Variants in LRRC69 observed in about 807,000 individuals in gnomAD.
LRRC69 encodes leucine rich repeat containing 69.
In LRRC69, 42 loss-of-function variants were observed where a neutral mutation model predicts 37.8. The ratio of observed to expected loss-of-function variants is 1.11; its 90% CI spans 0.87 to 1.44. LRRC69 has a LOEUF of 1.44. Among genes scored for constraint, LRRC69 ranks in the 40% most tolerant of loss-of-function variants. The pLI is 0.00. For missense variants in LRRC69, 357 were observed against 401.9 expected, an observed-to-expected ratio of 0.89 and a Z score of 0.96; for synonymous variants, 141 against 143.1, an observed-to-expected ratio of 0.99 and a Z score of 0.11.
At chr8:91,139,713 G>A (rs73303617) in intron 5 of LRRC69, among the ~76,000 whole-genome samples, 4,958 of 151,898 alleles carry the variant, frequency 0.033, 254 homozygotes, top group African/African-American at 0.11. Flanking sequence ...AGAAAAGCCT[G>A]TTAAAACATT....
At chr8:91,123,347 A>G (rs772785752) in intron 1 of LRRC69, among the ~76,000 whole-genome samples, 4 of 152,192 alleles carry the variant, frequency 2.6e-5, no homozygotes, top group Non-Finnish European at 5.9e-5. Context: ...TTACAATAGA[A>G]GAAGGCCTCA....
chr8:91,125,663 G>T (rs1272107424), intron 2 of LRRC69, among the ~76,000 whole-genome samples: 1 of 151,594 alleles, frequency 6.6e-6, no homozygotes, highest in Non-Finnish European at 1.5e-5. Flanking sequence ...AAATTTAAGT[G>T]CAACCTGATA....
chr8:91,111,297 G>A (rs991339463), intron 1 of LRRC69, among the ~76,000 whole-genome samples: 3 of 152,098 alleles, frequency 2.0e-5, no homozygotes, highest in Non-Finnish European at 4.4e-5. Context: ...CACTTTGGGA[G>A]TCCAAGGTGG....
intron 3 of LRRC69, among the ~76,000 whole-genome samples, chr8:91,128,580 A>G (rs868480975): frequency 3.3e-5 from 5 of 152,034 alleles, no homozygotes; most frequent in Admixed American, 1.3e-4. Flanking sequence ...ATATCTTAAC[A>G]TCTTCACCTG....
intron 5 of LRRC69, among the ~76,000 whole-genome samples, chr8:91,174,637 G>A (rs1399148329): frequency 6.6e-6 from 1 of 152,212 alleles, no homozygotes; most frequent in African/African-American, 2.4e-5. Flanking sequence ...GCTATGAGTT[G>A]TTGCTTGGTC....
chr8:91,151,430 A>G (rs1808735196), intron 5 of LRRC69, among the ~76,000 whole-genome samples: 1 of 150,740 alleles, frequency 6.6e-6, no homozygotes, highest in African/African-American at 2.4e-5. Context: ...TTCTAGTTTG[A>G]TTGCACTGTG....
At chr8:91,116,481 T>C (rs1813512872) in intron 1 of LRRC69, among the ~76,000 whole-genome samples, 2 of 151,954 alleles carry the variant, frequency 1.3e-5, no homozygotes, top group African/African-American at 2.4e-5. Context: ...ATTTCATGTA[T>C]TGTATTCCAT....
Position 91,181,638 on chromosome 8 carries a change from A to C in LRRC69, c.652-7884A>C, listed in dbSNP as rs147892903. ...TTTAGAAGGAAAAGAGATAAGACCC[A>C]TGCAAATAAACTGGCAAGACCTAGT... On this transcript the variant is annotated intron_variant, in intron 5 of 7. Coordinates refer to ENST00000448384, the Ensembl canonical transcript of LRRC69. Among the ~76,000 whole-genome samples, 400 of 152,316 alleles carry C rather than the reference A, an allele frequency of 2.6e-3. 4 individuals carry two copies. Among genetic ancestry groups the C allele is most frequent in the Middle Eastern group, 0.01 (3 of 294 alleles).
chr8:91,176,767 C>A (rs1229264040), intron 5 of LRRC69, among the ~76,000 whole-genome samples: 2 of 152,046 alleles, frequency 1.3e-5, no homozygotes, highest in Non-Finnish European at 2.9e-5. Context: ...TCTAGTCATG[C>A]CCTCAACAGA....
chr8:91,205,761 CA>C (rs1418967384), intron 7 of LRRC69, among the ~76,000 whole-genome samples: 1 of 151,936 alleles, frequency 6.6e-6, no homozygotes. Context: ...GTGCTTAAGA[CA>C]AAAAAATAAA....
intron 5 of LRRC69, among the ~76,000 whole-genome samples, chr8:91,170,211 C>A (rs1268238611): frequency 1.8e-5 from 2 of 114,072 alleles, no homozygotes; most frequent in Admixed American, 1.7e-4. Flanking sequence ...TTAATGATCG[C>A]CATTCTAACT....
chr8:91,207,445 C>T (rs1809823925), intron 7 of LRRC69, among the ~76,000 whole-genome samples: 1 of 152,124 alleles, frequency 6.6e-6, no homozygotes, highest in Admixed American at 6.5e-5. Context: ...TGATTGCATT[C>T]TTGTGATAAG....
At chr8:91,182,758 T>C (rs934435932) in intron 5 of LRRC69, among the ~76,000 whole-genome samples, 16 of 152,230 alleles carry the variant, frequency 1.1e-4, no homozygotes, top group African/African-American at 3.4e-4. Context: ...GAACTGGAGA[T>C]AGAATGATAA....
At chr8:91,173,826 A>C (rs961407764) in intron 5 of LRRC69, among the ~76,000 whole-genome samples, 1 of 152,076 alleles carries the variant, frequency 6.6e-6, no homozygotes, top group African/African-American at 2.4e-5. Flanking sequence ...CTCAACCCTC[A>C]CAAACTAATG....
At chr8:91,200,444 T>C (rs751763645) in intron 6 of LRRC69, among the ~76,000 whole-genome samples, 169 bp from the exon 7 acceptor site, 28 of 152,208 alleles carry the variant, frequency 1.8e-4, no homozygotes, top group Non-Finnish European at 3.5e-4. Flanking sequence ...ACCAAACTTA[T>C]TTGCAATGCC....
intron 1 of LRRC69, among the ~76,000 whole-genome samples, chr8:91,107,480 A>G (rs1158924716): frequency 6.6e-6 from 1 of 151,940 alleles, no homozygotes; most frequent in Non-Finnish European, 1.5e-5. Flanking sequence ...ATTTTCTTGC[A>G]TCTATGCTGT....
intron 7 of LRRC69, among the ~76,000 whole-genome samples, chr8:91,213,037 T>C: frequency 6.6e-6 from 1 of 152,166 alleles, no homozygotes; most frequent in East Asian, 1.9e-4. Context: ...TAATTTTTTT[T>C]CTTCTAAATA....
chr8:91,117,008 CAG>C (rs1813522298), intron 1 of LRRC69, among the ~76,000 whole-genome samples: 1 of 152,006 alleles, frequency 6.6e-6, no homozygotes, highest in Non-Finnish European at 1.5e-5. Context: ...AGGCAGGCCA[CAG>C]ATAGGCTATA....
At chr8:91,157,574 GA>G in intron 5 of LRRC69, 1 of 1,537,964 alleles carries the variant, frequency 6.5e-7, no homozygotes, top group Non-Finnish European at 8.9e-7. Flanking sequence ...GATAATATCA[GA>G]ATGTTTACAA....
Sources: allele counts gnomAD v4.1 joint callset (sites outside exome capture counted in the v4.1 genomes callset), GRCh38; gene constraint gnomAD v4.1.1; transcripts MANE v1.5; gene names NCBI Gene and HGNC (gene_info 2026-07-23, HGNC 2026-07-21).